DNER: variants seen among roughly 807,000 people sequenced by gnomAD.
DNER encodes the protein delta and Notch-like epidermal growth factor-related receptor.
In DNER, 33 loss-of-function variants were observed where a neutral mutation model predicts 78.2. That is an observed-to-expected ratio of 0.42 (90% CI 0.32 to 0.56). The LOEUF (loss-of-function observed/expected upper bound fraction) is 0.56. DNER is among the 20% of genes least tolerant of loss of function. The probability of loss-of-function intolerance (pLI) is 0.11; values close to 1 mark genes in which losing one functional copy is unlikely to be tolerated. For synonymous variants in DNER, 417 were observed against 384.8 expected, an observed-to-expected ratio of 1.08 and a Z score of -0.98; for missense variants, 918 against 975.3, an observed-to-expected ratio of 0.94 and a Z score of 0.78.
At chr2:229,367,200 T>C in intron 11 of DNER, 81 bp from the exon 12 acceptor site, 3 of 1,567,938 alleles carry the variant, frequency 1.9e-6, no homozygotes, top group Non-Finnish European at 2.6e-6. Context: ...TTTGCATAGA[T>C]AACTTAAAAC....
intron 1 of DNER, among the ~76,000 whole-genome samples, chr2:229,650,139 T>C (rs1247839584): frequency 1.3e-5 from 2 of 149,462 alleles, no homozygotes; most frequent in African/African-American, 4.9e-5. Context: ...GTAACTTACA[T>C]CCCATGAAAT....
Position 229,613,391 on chromosome 2 carries a change from T to A in DNER, c.277-21503A>T, listed in dbSNP as rs139695002. Among the ~76,000 whole-genome samples, 18 of 152,312 alleles carry A rather than the reference T, an allele frequency of 1.2e-4. No individual in the cohort carries two copies. In the East Asian group the frequency reaches 3.5e-3, roughly 29 times the overall value. ...CACAGCAAATTTAATTTATGAACAA[T>A]AACATACTCAATGCATTGCGTAGAA... On this transcript the variant is annotated intron_variant, in intron 1 of 12. Transcript: ENST00000341772.
intron 6 of DNER, among the ~76,000 whole-genome samples, chr2:229,496,613 C>T (rs1695508266): frequency 6.6e-6 from 1 of 152,104 alleles, no homozygotes; most frequent in Non-Finnish European, 1.5e-5. Context: ...TGGAAAAAGA[C>T]ACTCCATGCA....
At chr2:229,533,177 A>G (rs556002281) in intron 5 of DNER, among the ~76,000 whole-genome samples, 1 of 152,312 alleles carries the variant, frequency 6.6e-6, no homozygotes, top group South Asian at 2.1e-4. Context: ...ACAAAGTAAA[A>G]ACAGAAATCT....
intron 4 of DNER, among the ~76,000 whole-genome samples, chr2:229,561,268 T>C (rs1312611353): frequency 6.6e-6 from 1 of 152,194 alleles, no homozygotes; most frequent in African/African-American, 2.4e-5. Context: ...AGGTAGATTA[T>C]ACCTAGCCAA....
At chr2:229,669,580 T>G (rs1336632957) in intron 1 of DNER, among the ~76,000 whole-genome samples, 1 of 152,178 alleles carries the variant, frequency 6.6e-6, no homozygotes, top group African/African-American at 2.4e-5. Flanking sequence ...GTTTCCTCTC[T>G]TATTTCCTTG....
chr2:229,627,790 G>C (rs1452609285), intron 1 of DNER, among the ~76,000 whole-genome samples: 1 of 152,186 alleles, frequency 6.6e-6, no homozygotes, highest in Non-Finnish European at 1.5e-5. Context: ...GGAAATGAGA[G>C]AAGAGCTAGG....
chr2:229,560,302 T>C (rs1009486374), intron 4 of DNER, among the ~76,000 whole-genome samples: 2 of 152,204 alleles, frequency 1.3e-5, no homozygotes, highest in Non-Finnish European at 2.9e-5. Flanking sequence ...TGACCATAAA[T>C]ATTTGAGCAG....
At chr2:229,681,669 C>T (rs1415764731) in intron 1 of DNER, among the ~76,000 whole-genome samples, 2 of 152,108 alleles carry the variant, frequency 1.3e-5, no homozygotes, top group African/African-American at 2.4e-5. Context: ...CACACAACAC[C>T]GCTCAAGGGG....
At position 229,709,532 on chromosome 2, in the gene DNER, T is replaced by C. The variant is rs77225085; in HGVS notation, c.276+4616A>G. 9.0e-4 allele frequency among the ~76,000 whole-genome samples: 137 copies of C among 152,324 alleles called. 1 individual carries two copies. The highest frequency in any genetic ancestry group is 3.2e-3 in the African/African-American group (134 of 41,582). On this transcript the variant is annotated intron_variant, in intron 1 of 12. Coordinates refer to ENST00000341772, the MANE Select transcript of DNER (RefSeq NM_139072.4). ...AGTCCAGTAACAAAGACTGATGTAGTACAAAGAACTAGAATTCTTTGTTAG... is the reference window on the plus strand; with the variant it reads ...AGTCCAGTAACAAAGACTGATGTAGCACAAAGAACTAGAATTCTTTGTTAG...
intron 8 of DNER, among the ~76,000 whole-genome samples, chr2:229,445,176 AG>A (rs1326621662): frequency 1.3e-5 from 2 of 152,182 alleles, no homozygotes; most frequent in Non-Finnish European, 2.9e-5. Context: ...TGCAAACACA[AG>A]TTGTCTCAGT....
At chr2:229,645,260 G>T (rs1007609135) in intron 1 of DNER, among the ~76,000 whole-genome samples, 5 of 152,166 alleles carry the variant, frequency 3.3e-5, no homozygotes, top group Admixed American at 2.0e-4. Context: ...TCCTGCTTCA[G>T]CCTTCCAAAG....
At chr2:229,483,657 G>C (rs1695213417) in intron 6 of DNER, among the ~76,000 whole-genome samples, 1 of 152,166 alleles carries the variant, frequency 6.6e-6, no homozygotes, top group East Asian at 1.9e-4. Context: ...AGTCTTCTCT[G>C]TGCCCAAAGG....
chr2:229,704,872 T>C (rs1699803785), intron 1 of DNER, among the ~76,000 whole-genome samples: 2 of 152,374 alleles, frequency 1.3e-5, no homozygotes, highest in Admixed American at 1.3e-4. Context: ...AGCTAGTCAA[T>C]TGGAAGCTAA....
chr2:229,502,448 A>T (rs895275323), intron 6 of DNER, among the ~76,000 whole-genome samples: 11 of 152,248 alleles, frequency 7.2e-5, no homozygotes, highest in Admixed American at 7.2e-4. Flanking sequence ...TAAGAGAGAC[A>T]GAGACTGCCG....
intron 1 of DNER, among the ~76,000 whole-genome samples, chr2:229,595,426 C>T (rs1697693604): frequency 6.6e-6 from 1 of 151,930 alleles, no homozygotes; most frequent in Middle Eastern, 3.2e-3. Context: ...GGATTACAGG[C>T]ACCTGCCACC....
At chr2:229,418,658 G>T (rs947771649) in intron 8 of DNER, among the ~76,000 whole-genome samples, 1 of 152,022 alleles carries the variant, frequency 6.6e-6, no homozygotes, top group East Asian at 1.9e-4. Context: ...ACCACAAAGT[G>T]CTGGTAATCC....
At chr2:229,579,823 A>T (rs1383297894) in intron 4 of DNER, among the ~76,000 whole-genome samples, 1 of 151,450 alleles carries the variant, frequency 6.6e-6, no homozygotes, top group Non-Finnish European at 1.5e-5. Context: ...GCTACAAAAC[A>T]CTGTTATCTC....
At chr2:229,413,792 TA>T (rs1693583297) in intron 9 of DNER, among the ~76,000 whole-genome samples, 1 of 150,716 alleles carries the variant, frequency 6.6e-6, no homozygotes, top group African/African-American at 2.4e-5. Context: ...ATATATAGTT[TA>T]AAAAATATCA....
Sources: gnomAD v4.1 joint callset for allele counts (sites outside exome capture counted in the v4.1 genomes callset) on GRCh38, gnomAD v4.1.1 for gene constraint, MANE v1.5 for transcripts, NCBI Gene and HGNC (gene_info 2026-07-23, HGNC 2026-07-21) for gene names.